The following MYO16 variants were observed in gnomAD, a reference collection of about 807,000 sequenced individuals.
MYO16 encodes unconventional myosin-XVI.
Under a neutral mutation model 205.3 loss-of-function variants are expected in MYO16, and 94 were observed. That is an observed-to-expected ratio of 0.46 (90% CI 0.39 to 0.54). MYO16 has a LOEUF of 0.54. Ranked by LOEUF, MYO16 falls within the 20% of genes least tolerant of loss-of-function variation. MYO16 has a pLI of 0.00. For missense variants in MYO16, 2,315 were observed against 2,387.5 expected (o/e 0.97, Z 0.63); for synonymous variants, 988 against 954.0 (o/e 1.04, Z -0.66).
intron 15 of MYO16, among the ~76,000 whole-genome samples, chr13:108,907,987 C>T (rs1346045921): frequency 2.0e-5 from 3 of 151,890 alleles, no homozygotes; most frequent in Non-Finnish European, 4.4e-5. Context: ...AAAATATCCT[C>T]TTAAGTAGTA....
intron 1 of MYO16, among the ~76,000 whole-genome samples, chr13:108,656,320 A>C (rs1286278667): frequency 6.6e-6 from 1 of 152,146 alleles, no homozygotes; most frequent in African/African-American, 2.4e-5. Flanking sequence ...TTCTCTCGCC[A>C]CTGCCATGTT....
At chr13:108,592,728 CTG>C (rs55845447), upstream of MYO16, among the ~76,000 whole-genome samples, 18 of 139,388 alleles carry the variant, frequency 1.3e-4, no homozygotes, top group African/African-American at 4.1e-4. Flanking sequence ...GTGAGGGTGG[CTG>C]TGTGTGTGTG....
At chr13:109,129,210 A>G (rs1876416040) in intron 31 of MYO16, among the ~76,000 whole-genome samples, 1 of 152,134 alleles carries the variant, frequency 6.6e-6, no homozygotes, top group African/African-American at 2.4e-5. Context: ...TTTCACTTAC[A>G]AAAAGTTACT....
At chr13:108,540,087 G>C in the MYO16 span, among the ~76,000 whole-genome samples, 2 of 152,024 alleles carry the variant, frequency 1.3e-5, no homozygotes, top group African/African-American at 4.8e-5. Flanking sequence ...AGATTTTTAG[G>C]GATGATCAGC....
intron 15 of MYO16, among the ~76,000 whole-genome samples, chr13:108,901,672 A>G (rs1173327956): frequency 6.6e-6 from 1 of 152,180 alleles, no homozygotes; most frequent in Non-Finnish European, 1.5e-5. Flanking sequence ...TGTTCCCCTA[A>G]TTAACATCCT....
intron 20 of MYO16, among the ~76,000 whole-genome samples, chr13:108,969,722 C>T (rs1412490577): frequency 6.6e-6 from 1 of 152,176 alleles, no homozygotes; most frequent in African/African-American, 2.4e-5. Context: ...GTAGGGCTTC[C>T]CAAATGAGCT....
chr13:108,578,791 C>A, the MYO16 span, among the ~76,000 whole-genome samples: 1 of 152,004 alleles, frequency 6.6e-6, no homozygotes, highest in Admixed American at 6.6e-5. Flanking sequence ...TCTAATTGGT[C>A]TTGTGGTGTG....
intron 19 of MYO16, 110 bp from the exon 20 acceptor site, chr13:108,964,651 T>A: frequency 8.7e-7 from 1 of 1,152,738 alleles, no homozygotes; most frequent in Non-Finnish European, 1.2e-6. Flanking sequence ...TTTTTATACA[T>A]CACTTGTCTT....
intron 2 of MYO16, among the ~76,000 whole-genome samples, chr13:108,686,750 C>A (rs189341729): frequency 6.6e-6 from 1 of 152,144 alleles, no homozygotes; most frequent in African/African-American, 2.4e-5. Flanking sequence ...GAAATCATGA[C>A]GAAGAGAAAA....
At chr13:108,689,109 A>G (rs1457995393) in intron 2 of MYO16, among the ~76,000 whole-genome samples, 1 of 152,086 alleles carries the variant, frequency 6.6e-6, no homozygotes, top group Non-Finnish European at 1.5e-5. Context: ...ATACTGTGAC[A>G]ATTTTAAAAC....
Position 109,049,974 on chromosome 13 carries a change from G to GTA in MYO16, c.2873-2325_2873-2324insAT, listed in dbSNP as rs1566481385. On this transcript the variant is annotated intron_variant, in intron 24 of 34. Transcript: ENST00000457511. ...TGTGTGTGTGTGTGTGTGTGTGTGT[G>GTA]TGTTTACTTTCTGAATCATTTGAAA... Among the ~76,000 whole-genome samples, 5 of 136,874 alleles carry GTA rather than the reference G, an allele frequency of 3.7e-5. No individual in the cohort carries two copies. The Admixed American group carries it at 3.8e-4, about 10-fold the overall frequency. The allele number at this position is 136,874 out of a possible 152,430, so 89.8% of individuals were successfully genotyped here. A position where few individuals can be genotyped will look rare whatever the true frequency, so the allele number is the denominator to read the frequency against.
At chr13:108,891,523 G>A (rs1265560455) in intron 14 of MYO16, among the ~76,000 whole-genome samples, 2 of 152,122 alleles carry the variant, frequency 1.3e-5, no homozygotes, top group Admixed American at 6.5e-5. Context: ...AAGAAATAAT[G>A]TACATATGTG....
intron 7 of MYO16, among the ~76,000 whole-genome samples, chr13:108,816,212 T>C (rs1469735287): frequency 1.3e-5 from 2 of 151,982 alleles, no homozygotes; most frequent in African/African-American, 4.8e-5. Flanking sequence ...TGATGAACTT[T>C]GAGTAGATAA....
intron 4 of MYO16, among the ~76,000 whole-genome samples, chr13:108,745,909 C>T (rs972949003): frequency 3.0e-4 from 46 of 152,160 alleles, no homozygotes; most frequent in African/African-American, 8.2e-4. Flanking sequence ...AGAATGCAGC[C>T]GGGCGCGGTG....
At chr13:108,617,972 A>G (rs1879407921) in intron 1 of MYO16, among the ~76,000 whole-genome samples, 1 of 152,078 alleles carries the variant, frequency 6.6e-6, no homozygotes, top group South Asian at 2.1e-4. Flanking sequence ...CCAAGCACCT[A>G]GAAAGCTGGT....
intron 4 of MYO16, among the ~76,000 whole-genome samples, chr13:108,760,592 A>G (rs986784703): frequency 3.3e-5 from 5 of 152,038 alleles, no homozygotes; most frequent in Non-Finnish European, 7.4e-5. Context: ...ATAATCTTTG[A>G]AGTTTTAACC....
chr13:108,645,885 C>A (rs1880732406), intron 1 of MYO16, among the ~76,000 whole-genome samples: 1 of 152,200 alleles, frequency 6.6e-6, no homozygotes, highest in Non-Finnish European at 1.5e-5. Context: ...ATCAGTACCT[C>A]CAAGTTTCCC....
chr13:108,947,308 G>A (rs1010340697), intron 16 of MYO16, among the ~76,000 whole-genome samples: 6 of 152,122 alleles, frequency 3.9e-5, no homozygotes, highest in Non-Finnish European at 5.9e-5. Flanking sequence ...GTTCAGCCTC[G>A]CCTGCGGCAT....
At chr13:108,764,090 A>T (rs1224210657) in intron 4 of MYO16, among the ~76,000 whole-genome samples, 1 of 152,168 alleles carries the variant, frequency 6.6e-6, no homozygotes. Flanking sequence ...TAGCCATTCC[A>T]GCACAGAGAC....
Sources: allele counts gnomAD v4.1 joint callset (sites outside exome capture counted in the v4.1 genomes callset), GRCh38; gene constraint gnomAD v4.1.1; transcripts MANE v1.5; gene names NCBI Gene and HGNC (gene_info 2026-07-23, HGNC 2026-07-21).